Variants in SMURF1 observed in about 807,000 individuals in gnomAD.
SMURF1 encodes E3 ubiquitin-protein ligase SMURF1.
A neutral mutation model predicts 98.0 loss-of-function variants in SMURF1; 44 were observed. The ratio of observed to expected loss-of-function variants is 0.45; its 90% CI spans 0.35 to 0.58. The LOEUF is 0.58. Among genes scored for constraint, SMURF1 ranks in the 20% least tolerant of loss-of-function variants. The probability of loss-of-function intolerance (pLI) is 0.00; values close to 1 mark genes in which losing one functional copy is unlikely to be tolerated. For synonymous variants in SMURF1, 396 were observed against 374.9 expected, an observed-to-expected ratio of 1.06 and a Z score of -0.65; for missense variants, 687 against 938.4, an observed-to-expected ratio of 0.73 and a Z score of 3.50.
intron 1 of SMURF1, among the ~76,000 whole-genome samples, chr7:99,076,839 GTAT>G (rs1796472299): frequency 1.6e-5 from 1 of 62,684 alleles, no homozygotes; most frequent in Non-Finnish European, 6.5e-5. Flanking sequence ...GTGCCCATGT[GTAT>G]GTGTGTGCAC....
chr7:99,056,487 T>C (rs955897231), intron 5 of SMURF1, among the ~76,000 whole-genome samples: 14 of 152,204 alleles, frequency 9.2e-5, no homozygotes, highest in African/African-American at 2.4e-4. Flanking sequence ...ACAAATCATA[T>C]TACATGGAAT....
chr7:99,059,245 A>G (rs972896938), intron 3 of SMURF1, among the ~76,000 whole-genome samples: 6 of 149,948 alleles, frequency 4.0e-5, no homozygotes, highest in Non-Finnish European at 7.4e-5. Context: ...TAAAACTACA[A>G]AAAATAGCCG....
intron 1 of SMURF1, among the ~76,000 whole-genome samples, chr7:99,077,908 C>T (rs779286381): frequency 6.6e-5 from 10 of 152,128 alleles, no homozygotes; most frequent in Non-Finnish European, 1.3e-4. Context: ...AATAAAACAG[C>T]TTTTACAGAA....
intron 1 of SMURF1, among the ~76,000 whole-genome samples, chr7:99,106,024 T>G (rs1797187150): frequency 6.6e-6 from 1 of 152,206 alleles, no homozygotes; most frequent in Non-Finnish European, 1.5e-5. Context: ...TACACAAACC[T>G]TCCTCAAATC....
At chr7:99,058,644 A>G (rs1795945338) in intron 3 of SMURF1, among the ~76,000 whole-genome samples, 1 of 152,212 alleles carries the variant, frequency 6.6e-6, no homozygotes, top group African/African-American at 2.4e-5. Context: ...ACACAGCCTC[A>G]GTGTCACTGA....
intron 1 of SMURF1, among the ~76,000 whole-genome samples, chr7:99,091,160 T>A (rs1294699638): frequency 6.6e-6 from 1 of 152,184 alleles, no homozygotes; most frequent in African/African-American, 2.4e-5. Context: ...CATATATACA[T>A]AAAATCAGTG....
Position 99,144,016 on chromosome 7 carries a change from GCCGCCGCCGCC to G in SMURF1, c.-247_-237del. 1 of 274,826 alleles carries G rather than the reference GCCGCCGCCGCC, an allele frequency of 3.6e-6. No individual in the cohort carries two copies. Among genetic ancestry groups the G allele is most frequent in the East Asian group, 6.2e-5 (1 of 16,122 alleles). The allele number at this position is 274,826 out of a possible 1,614,324, so 17.0% of individuals were successfully genotyped here. The stretch of plus-strand genomic sequence containing the variant: ...TGCTTCCAGCCGAGCCCAGTCCCGA[GCCGCCGCCGCC>G]TCCGCCGCCGCCTCCGCCGCCTCCA... On this transcript the variant is annotated 5_prime_UTR_variant, in exon 1 of 18. Coordinates refer to ENST00000361368, the MANE Select transcript of SMURF1 (RefSeq NM_181349.3).
intron 1 of SMURF1, among the ~76,000 whole-genome samples, chr7:99,115,841 A>T (rs577702497): frequency 2.0e-5 from 3 of 152,138 alleles, no homozygotes; most frequent in Non-Finnish European, 4.4e-5. Context: ...CTAAGACCAG[A>T]TGGCTTCACT....
Position 99,107,098 on chromosome 7 carries a change from G to C in SMURF1, c.55+36628C>G, listed in dbSNP as rs1374353829. On this transcript the variant is annotated intron_variant, in intron 1 of 17. Coordinates refer to ENST00000361368, the MANE Select transcript of SMURF1 (RefSeq NM_181349.3). ...GAACAAAGATGACTCACTGCCCTTAGCACCTGCATAGCAGACGTAGAGAGT... is the reference window on the plus strand; with the variant it reads ...GAACAAAGATGACTCACTGCCCTTACCACCTGCATAGCAGACGTAGAGAGT... Among the ~76,000 whole-genome samples the C allele has an allele frequency of 3.3e-5, 5 of 152,314 alleles. No individual in the cohort carries two copies. The South Asian group carries it at 8.3e-4, about 25-fold the overall frequency.
chr7:99,042,106 A>T lies in SMURF1; in HGVS notation c.1371+12T>A. On this transcript the variant is annotated intron_variant, in intron 12 of 17. Coordinates refer to ENST00000361368, the MANE Select transcript of SMURF1 (RefSeq NM_181349.3). ...AACTCAATTCCCTACCTCTTTGTTC[A>T]TTCATACTTACGGGGTTGATTGAAG... 1 of 1,597,854 alleles carries T rather than the reference A, an allele frequency of 6.3e-7. No homozygotes were observed. Among genetic ancestry groups the T allele is most frequent in the Non-Finnish European group, 8.6e-7 (1 of 1,165,752 alleles).
At chr7:99,046,071 A>T (rs893924158) in intron 10 of SMURF1, among the ~76,000 whole-genome samples, 3 of 152,092 alleles carry the variant, frequency 2.0e-5, no homozygotes, top group Admixed American at 2.0e-4. Context: ...ATCACCAAGG[A>T]CTTAAGGACA....
At chr7:99,031,798 G>A (rs1794898412) in intron 17 of SMURF1, among the ~76,000 whole-genome samples, 1 of 152,154 alleles carries the variant, frequency 6.6e-6, no homozygotes, top group Non-Finnish European at 1.5e-5. Flanking sequence ...ATCTGACCCC[G>A]CATCCTTGGG....
At chr7:99,048,056 G>T in intron 9 of SMURF1, 174 bp from the exon 10 acceptor site, 1 of 623,842 alleles carries the variant, frequency 1.6e-6, no homozygotes, top group South Asian at 1.9e-5. Context: ...CTTGCTGATG[G>T]CCACATTAGC....
At chr7:99,042,016 T>TTAAG in intron 12 of SMURF1, 102 bp downstream of exon 12, 2 of 924,892 alleles carry the variant, frequency 2.2e-6, no homozygotes, top group Non-Finnish European at 3.4e-6. Context: ...CTGTCTTTGA[T>TTAAG]TAAGTCTACA....
At chr7:99,109,957 C>T (rs1797283377) in intron 1 of SMURF1, among the ~76,000 whole-genome samples, 3 of 152,144 alleles carry the variant, frequency 2.0e-5, no homozygotes. Flanking sequence ...GTACATAGTA[C>T]ACAGACTCCT....
intron 13 of SMURF1, among the ~76,000 whole-genome samples, 165 bp downstream of exon 13, chr7:99,040,213 C>T (rs1584448669): frequency 7.0e-6 from 1 of 143,772 alleles, no homozygotes; most frequent in African/African-American, 3.0e-5. Context: ...ATCTGCCCGC[C>T]TCCGCCTTCC....
chr7:99,088,349 G>A (rs1168791038), intron 1 of SMURF1, among the ~76,000 whole-genome samples: 2 of 151,578 alleles, frequency 1.3e-5, no homozygotes, highest in African/African-American at 4.9e-5. Flanking sequence ...ATTTTTTTAA[G>A]TGCTCCTTTG....
At chr7:99,043,152 A>T (rs1439805119) in intron 11 of SMURF1, among the ~76,000 whole-genome samples, 8 of 152,204 alleles carry the variant, frequency 5.3e-5, no homozygotes, top group Admixed American at 5.2e-4. Context: ...ACAAGCAAAC[A>T]TTCCGACCGA....
intron 3 of SMURF1, 86 bp from the exon 4 acceptor site, chr7:99,057,637 C>G (rs1795917320): frequency 7.1e-7 from 1 of 1,399,736 alleles, no homozygotes. Context: ...GAATCCTGCT[C>G]TGTTGCCCCC....
Sources: gnomAD v4.1 joint callset for allele counts (sites outside exome capture counted in the v4.1 genomes callset) on GRCh38, gnomAD v4.1.1 for gene constraint, MANE v1.5 for transcripts, NCBI Gene and HGNC (gene_info 2026-07-23, HGNC 2026-07-21) for gene names.